Variants in HNF4G observed in about 807,000 individuals in gnomAD.
HNF4G encodes hepatocyte nuclear factor 4-gamma.
In HNF4G, 21 loss-of-function variants were observed where a neutral mutation model predicts 50.9. That is an observed-to-expected ratio of 0.41 (90% confidence interval 0.29 to 0.59). HNF4G has a LOEUF of 0.59. HNF4G is among the 20% of genes least tolerant of loss of function. The pLI is 0.26. For missense variants in HNF4G, 527 were observed against 559.4 expected (o/e 0.94, Z 0.58); for synonymous variants, 198 against 185.6 (o/e 1.07, Z -0.54).
chr8:75,543,438 T>C (rs1806685197), intron 1 of HNF4G, among the ~76,000 whole-genome samples: 1 of 152,170 alleles, frequency 6.6e-6, no homozygotes, highest in South Asian at 2.1e-4. Flanking sequence ...CTGATTAGAT[T>C]TCACAATGAA....
intron 2 of HNF4G, among the ~76,000 whole-genome samples, chr8:75,544,652 T>A (rs1022872870): frequency 2.6e-4 from 7 of 27,014 alleles, no homozygotes; most frequent in African/African-American, 4.9e-4. Context: ...TTTCTTGGGT[T>A]TTTTTTTTTT....
At chr8:75,448,258 G>T (rs1463909546) in intron 1 of HNF4G, among the ~76,000 whole-genome samples, 1 of 127,322 alleles carries the variant, frequency 7.9e-6, no homozygotes, top group Non-Finnish European at 1.6e-5. Context: ...ACATGAAGGG[G>T]AATACCACAC....
chr8:75,438,518 T>C (rs1237826279), intron 1 of HNF4G, among the ~76,000 whole-genome samples: 2 of 152,082 alleles, frequency 1.3e-5, no homozygotes, highest in African/African-American at 2.4e-5. Flanking sequence ...AATTCCTTTC[T>C]TTCCTCTCAA....
chr8:75,417,108 C>T (rs757774425), intron 1 of HNF4G, among the ~76,000 whole-genome samples: 12 of 108,120 alleles, frequency 1.1e-4, no homozygotes, highest in Non-Finnish European at 2.0e-4. Flanking sequence ...TGTGCATGGT[C>T]GCACGCGTGT....
At chr8:75,512,062 G>A (rs919638040) in intron 2 of HNF4G, among the ~76,000 whole-genome samples, 1 of 151,768 alleles carries the variant, frequency 6.6e-6, no homozygotes, top group Non-Finnish European at 1.5e-5. Context: ...GGAAATTCGT[G>A]GAATGATTTT....
At chr8:75,433,786 CA>C (rs560422507) in intron 1 of HNF4G, among the ~76,000 whole-genome samples, 32 of 152,244 alleles carry the variant, frequency 2.1e-4, no homozygotes, top group Non-Finnish European at 4.4e-4. Context: ...TATATCATTA[CA>C]GTTGGAAACT....
intron 1 of HNF4G, among the ~76,000 whole-genome samples, chr8:75,476,488 G>A (rs1812244195): frequency 6.6e-6 from 1 of 152,132 alleles, no homozygotes; most frequent in African/African-American, 2.4e-5. Context: ...TGTATGTCTT[G>A]AAATCAACTA....
chr8:75,458,645 A>T (rs541593028), intron 1 of HNF4G, among the ~76,000 whole-genome samples: 36 of 152,254 alleles, frequency 2.4e-4, no homozygotes, highest in African/African-American at 7.7e-4. Flanking sequence ...TGTTTCCTAA[A>T]TGCCTGGTAC....
At chr8:75,492,516 T>G (rs1812655832) in intron 2 of HNF4G, among the ~76,000 whole-genome samples, 1 of 152,210 alleles carries the variant, frequency 6.6e-6, no homozygotes, top group Non-Finnish European at 1.5e-5. Flanking sequence ...ATTTCACATA[T>G]GTGTCCCATT....
At chr8:75,527,993 T>A (rs1806227198) in intron 2 of HNF4G, among the ~76,000 whole-genome samples, 2 of 152,236 alleles carry the variant, frequency 1.3e-5, no homozygotes, top group African/African-American at 4.8e-5. Context: ...TCTGAAATCT[T>A]GAATAAAGCC....
At chr8:75,484,011 G>A (rs1812441215) in intron 1 of HNF4G, among the ~76,000 whole-genome samples, 1 of 152,134 alleles carries the variant, frequency 6.6e-6, no homozygotes, top group South Asian at 2.1e-4. Context: ...CAAAAGTAAA[G>A]TTAAGGAATA....
chr8:75,500,720 T>A (rs965393490), intron 2 of HNF4G, among the ~76,000 whole-genome samples: 7 of 152,162 alleles, frequency 4.6e-5, no homozygotes, highest in Non-Finnish European at 1.0e-4. Flanking sequence ...ACAACATGGA[T>A]TAGCCTTGAA....
chr8:75,564,668 G>GA lies in HNF4G; in HGVS notation c.*577dup. ...GTTAAATATTCCTATCTTAAGTTTA[G>GA]AAAAATACAAAAAACCATTCCAAGG... On this transcript the variant is annotated 3_prime_UTR_variant, in exon 10 of 10. Transcript: ENST00000396423. The GA allele has an allele frequency of 6.6e-6, 1 of 152,046 alleles. No homozygotes were observed. The highest frequency in any genetic ancestry group is 6.6e-5 in the Admixed American group (1 of 15,266). The allele number at this position is 152,046 out of a possible 1,614,324, so 9.4% of individuals were successfully genotyped here. A position where few individuals can be genotyped will look rare whatever the true frequency, so the allele number is the denominator to read the frequency against.
chr8:75,460,782 T>G (rs1811821023), intron 1 of HNF4G, among the ~76,000 whole-genome samples: 1 of 152,200 alleles, frequency 6.6e-6, no homozygotes, highest in South Asian at 2.1e-4. Flanking sequence ...AATCATGAAG[T>G]GGTTTCAATA....
chr8:75,540,146 G>A (rs1299189921), intron 1 of HNF4G, 66 bp downstream of exon 1: 1 of 916,836 alleles, frequency 1.1e-6, no homozygotes, highest in African/African-American at 1.7e-5. Flanking sequence ...GGAAGACTGA[G>A]CTTCCAAAGG....
At chr8:75,545,074 A>G (rs2130790913) in intron 2 of HNF4G, among the ~76,000 whole-genome samples, 1 of 152,306 alleles carries the variant, frequency 6.6e-6, no homozygotes, top group Non-Finnish European at 1.5e-5. Flanking sequence ...GTGTATTTAG[A>G]TAAGTTTTGC....
At chr8:75,461,656 T>C (rs1811844215) in intron 1 of HNF4G, among the ~76,000 whole-genome samples, 1 of 152,108 alleles carries the variant, frequency 6.6e-6, no homozygotes, top group African/African-American at 2.4e-5. Flanking sequence ...AGTTCTCCTT[T>C]ATCTGTGGGG....
intron 1 of HNF4G, among the ~76,000 whole-genome samples, chr8:75,430,617 T>C (rs1810992408): frequency 1.3e-5 from 2 of 152,252 alleles, no homozygotes; most frequent in South Asian, 2.1e-4. Flanking sequence ...TTCTCCCTTA[T>C]GTAAGCCATA....
chr8:75,554,636 C>T (rs1190798897), intron 5 of HNF4G, among the ~76,000 whole-genome samples: 1 of 152,086 alleles, frequency 6.6e-6, no homozygotes, highest in Non-Finnish European at 1.5e-5. Flanking sequence ...TAGGAGATTA[C>T]TGTTCAGTTT....
Sources: allele counts gnomAD v4.1 joint callset (sites outside exome capture counted in the v4.1 genomes callset), GRCh38; gene constraint gnomAD v4.1.1; transcripts MANE v1.5; gene names NCBI Gene and HGNC (gene_info 2026-07-23, HGNC 2026-07-21).